NAV2: variants seen among roughly 807,000 people sequenced by gnomAD.
The protein encoded by NAV2 is neuron navigator 2.
A neutral mutation model predicts 223.2 loss-of-function variants in NAV2; 54 were observed. The ratio of observed to expected loss-of-function variants is 0.24; its 90% CI spans 0.19 to 0.30. The LOEUF (loss-of-function observed/expected upper bound fraction) is 0.30, where lower values mean the gene tolerates loss of function less well. Among genes scored for constraint, NAV2 ranks in the 10% least tolerant of loss-of-function variants. The pLI is 1.00. For missense variants in NAV2, 2,806 were observed against 3,147.5 expected (o/e 0.89, Z 2.60); for synonymous variants, 1,279 against 1,239.3 (o/e 1.03, Z -0.67).
chr11:19,762,217 T>TGGG (rs921139349), intron 1 of NAV2, among the ~76,000 whole-genome samples: 1 of 152,248 alleles, frequency 6.6e-6, no homozygotes, highest in African/African-American at 2.4e-5. Context: ...CACTCCAGCC[T>TGGG]GGGCAACAGA....
intron 5 of NAV2, among the ~76,000 whole-genome samples, chr11:19,887,424 CA>C (rs1354358562): frequency 2.0e-5 from 3 of 152,030 alleles, no homozygotes; most frequent in African/African-American, 7.3e-5. Flanking sequence ...AGCGAAGGCC[CA>C]TCCTTACCAC....
intron 1 of NAV2, chr11:19,503,858 A>G (rs964494819): frequency 5.9e-5 from 9 of 152,238 alleles, no homozygotes; most frequent in African/African-American, 2.2e-4. Context: ...TGTGAAAGAC[A>G]CTGTCAAGAG....
chr11:19,665,598 CTAAG>C (rs2048389600), intron 1 of NAV2, among the ~76,000 whole-genome samples: 1 of 152,126 alleles, frequency 6.6e-6, no homozygotes, highest in Non-Finnish European at 1.5e-5. Flanking sequence ...TGTAAAAGCC[CTAAG>C]AGACTGTAGA....
intron 1 of NAV2, among the ~76,000 whole-genome samples, chr11:19,621,750 T>C (rs2135419782): frequency 6.6e-6 from 1 of 152,288 alleles, no homozygotes; most frequent in East Asian, 1.9e-4. Flanking sequence ...TTTGTCTCTA[T>C]CTCCTTCAGT....
chr11:19,539,255 A>T (rs1486800435), intron 1 of NAV2, among the ~76,000 whole-genome samples: 2 of 152,200 alleles, frequency 1.3e-5, no homozygotes, highest in Admixed American at 1.3e-4. Context: ...GTTGAAGGGA[A>T]TCTATTTCCA....
intron 3 of NAV2, among the ~76,000 whole-genome samples, chr11:19,851,962 G>A (rs2061168717): frequency 6.6e-6 from 1 of 152,252 alleles, no homozygotes; most frequent in Non-Finnish European, 1.5e-5. Flanking sequence ...GAGATTGGAA[G>A]ATGCTAAGTT....
intron 1 of NAV2, among the ~76,000 whole-genome samples, chr11:19,791,360 G>A (rs545099443): frequency 2.0e-4 from 30 of 152,190 alleles, no homozygotes; most frequent in African/African-American, 7.0e-4. Context: ...CCCTTGTACT[G>A]CACCCACCAA....
intron 6 of NAV2, among the ~76,000 whole-genome samples, chr11:19,924,312 C>A (rs202110898): frequency 0.02 from 2,855 of 139,310 alleles, 22 homozygotes; most frequent in Middle Eastern, 0.056. Context: ...AAAAAAAAAA[C>A]AAAAAAAAAC....
rs1287739963 is a variant in NAV2, at chr11:19,905,057, TATTC to T, written c.931+12472_931+12475del. On this transcript the variant is annotated intron_variant, in intron 6 of 37. Transcript: ENST00000349880. ...ACCTTTGGATTGGTTCCCTTAAAAGTATTCATTCATTCCAAAAATGAGCTTTATT... is the reference window on the plus strand; with the variant it reads ...ACCTTTGGATTGGTTCCCTTAAAAGTATTCATTCCAAAAATGAGCTTTATT... 5.3e-5 allele frequency among the ~76,000 whole-genome samples: 8 copies of T among 152,304 alleles called. No individual in the cohort carries two copies. In the East Asian group the frequency reaches 1.5e-3, roughly 29 times the overall value.
chr11:19,384,282 T>C (rs1387526612), intron 1 of NAV2, among the ~76,000 whole-genome samples: 1 of 152,248 alleles, frequency 6.6e-6, no homozygotes, highest in African/African-American at 2.4e-5. Flanking sequence ...TTTGGTTATA[T>C]GTAGTTTCAC....
intron 1 of NAV2, among the ~76,000 whole-genome samples, chr11:19,378,867 G>T (rs1262205500): frequency 6.6e-6 from 1 of 152,104 alleles, no homozygotes; most frequent in African/African-American, 2.4e-5. Flanking sequence ...GAGGGCAGGG[G>T]CTTTGTTGTT....
At chr11:20,045,696 A>C (rs1158687392) in intron 14 of NAV2, 26 bp downstream of exon 14, 2 of 1,554,650 alleles carry the variant, frequency 1.3e-6, no homozygotes, top group East Asian at 2.3e-5. Flanking sequence ...AATGGTGCAG[A>C]GCAGAACCAG....
Position 20,029,174 on chromosome 11 carries a change from A to G in NAV2, c.2769-6785A>G, listed in dbSNP as rs546595766. 2.0e-5 allele frequency among the ~76,000 whole-genome samples: 3 copies of G among 152,332 alleles called. No individual in the cohort carries two copies. In the South Asian group the frequency reaches 6.2e-4, roughly 32 times the overall value. On this transcript the variant is annotated intron_variant, in intron 11 of 37. Transcript: ENST00000349880. The stretch of plus-strand genomic sequence containing the variant: ...CCAACTTTTCTCTGAGCATAAATGT[A>G]AAGGACGTCCGTTGGAAAGGAACCT...
At chr11:19,723,886 T>C (rs1565208645) in intron 1 of NAV2, among the ~76,000 whole-genome samples, 1 of 152,214 alleles carries the variant, frequency 6.6e-6, no homozygotes, top group Non-Finnish European at 1.5e-5. Flanking sequence ...GAGTGACTCA[T>C]GTTTACTTCA....
rs941576205 is a variant in NAV2 at position 19,872,214 on chromosome 11, G to T, written c.511+3217G>T. ...ACTTGACATCATGTTACATTACAGG[G>T]ATAGATTTATTGAGAACTTACCACA... On this transcript the variant is annotated intron_variant, in intron 4 of 37. Transcript: ENST00000349880. 2.0e-5 allele frequency among the ~76,000 whole-genome samples: 3 copies of T among 152,184 alleles called. No individual in the cohort carries two copies. In the East Asian group the frequency reaches 5.8e-4, roughly 29 times the overall value.
At chr11:19,413,354 G>A (rs568004581) in intron 1 of NAV2, among the ~76,000 whole-genome samples, 92 of 152,184 alleles carry the variant, frequency 6.0e-4, no homozygotes, top group Middle Eastern at 3.4e-3. Flanking sequence ...ATGAAATAAA[G>A]CATGAAGACA....
chr11:19,476,479 T>C (rs2042118804), intron 1 of NAV2, among the ~76,000 whole-genome samples: 1 of 152,168 alleles, frequency 6.6e-6, no homozygotes, highest in African/African-American at 2.4e-5. Context: ...TTCAGTTTTT[T>C]ACCAACTGAT....
chr11:20,082,383 G>T (rs2060145138), intron 25 of NAV2, among the ~76,000 whole-genome samples: 1 of 152,168 alleles, frequency 6.6e-6, no homozygotes, highest in Non-Finnish European at 1.5e-5. Context: ...TCCCCAACCT[G>T]CTATTCCCTT....
At chr11:19,410,445 T>C (rs1159813119) in intron 1 of NAV2, among the ~76,000 whole-genome samples, 4 of 152,212 alleles carry the variant, frequency 2.6e-5, no homozygotes, top group African/African-American at 9.6e-5. Context: ...ATTATCTCTA[T>C]TTTACAAATA....
Sources: gnomAD v4.1 joint callset for allele counts (sites outside exome capture counted in the v4.1 genomes callset) on GRCh38, gnomAD v4.1.1 for gene constraint, MANE v1.5 for transcripts, NCBI Gene and HGNC (gene_info 2026-07-23, HGNC 2026-07-21) for gene names.